The following LPCAT1 variants were observed in gnomAD, a reference collection of about 807,000 sequenced individuals.
LPCAT1 encodes 1-acylglycerol-3-phosphate O-acyltransferase.
Under a neutral mutation model 60.9 loss-of-function variants are expected in LPCAT1, and 23 were observed. The ratio of observed to expected loss-of-function variants is 0.38; its 90% CI spans 0.27 to 0.53. The LOEUF (loss-of-function observed/expected upper bound fraction) is 0.53, where lower values mean the gene tolerates loss of function less well. LPCAT1 is among the 20% of genes least tolerant of loss of function. The probability of loss-of-function intolerance (pLI) is 0.82; values close to 1 mark genes in which losing one functional copy is unlikely to be tolerated. For missense variants in LPCAT1, 622 were observed against 723.6 expected, an observed-to-expected ratio of 0.86 and a Z score of 1.61; for synonymous variants, 340 against 301.1, an observed-to-expected ratio of 1.13 and a Z score of -1.34.
chr5:1,514,272 G>T (rs978943290), intron 1 of LPCAT1, among the ~76,000 whole-genome samples: 1 of 152,238 alleles, frequency 6.6e-6, no homozygotes, highest in Non-Finnish European at 1.5e-5. Context: ...AGCCTCATCT[G>T]CCCAGTGAGC....
At chr5:1,478,990 G>T (rs542467794) in intron 8 of LPCAT1, among the ~76,000 whole-genome samples, 1 of 152,164 alleles carries the variant, frequency 6.6e-6, no homozygotes, top group African/African-American at 2.4e-5. Flanking sequence ...CAAACTCAGC[G>T]GTATTAAATA....
chr5:1,501,444 G>T lies in LPCAT1; in HGVS notation c.278+17C>A. ...GACCCCCCCCCAGGAGGAGAGCACGGCACACGCGCAACTTACTTCCTCCAC... is the reference window on the plus strand; with the variant it reads ...GACCCCCCCCCAGGAGGAGAGCACGTCACACGCGCAACTTACTTCCTCCAC... On this transcript the variant is annotated intron_variant, in intron 2 of 13. Coordinates refer to ENST00000283415, the MANE Select transcript of LPCAT1 (RefSeq NM_024830.5). The T allele has an allele frequency of 6.3e-7, 1 of 1,599,322 alleles. No homozygotes were observed.
Position 1,521,491 on chromosome 5 carries a change from A to G in LPCAT1, c.135+2219T>C. 2 of 985,328 alleles carry G rather than the reference A, an allele frequency of 2.0e-6. No homozygotes were observed. The highest frequency in any genetic ancestry group is 2.4e-6 in the Non-Finnish European group (2 of 829,810). 61.0% of individuals were successfully genotyped at this position (985,328 alleles called of 1,614,324 possible). On this transcript the variant is annotated intron_variant, in intron 1 of 13. Transcript: ENST00000283415. This position sits in a 1 kb window ranked among gnomAD's most constrained non-coding sequence, Gnocchi z 4.3. ...TTCACTCTGTGGAAACTTTACAAGA[A>G]TATATCACATCAAAGTAAAAGCTTT... is the stretch of plus-strand genomic sequence containing the variant.
intron 2 of LPCAT1, among the ~76,000 whole-genome samples, chr5:1,497,357 G>A (rs115510329): frequency 1.7e-3 from 253 of 152,366 alleles, no homozygotes; most frequent in African/African-American, 5.4e-3. Flanking sequence ...AAGCCCACAC[G>A]TCTAAGCGTG....
chr5:1,481,112 C>T lies in LPCAT1; in HGVS notation c.727-136G>A. On this transcript the variant is annotated intron_variant, in intron 6 of 13. Transcript: ENST00000283415. This position sits in a 1 kb window ranked among gnomAD's most constrained non-coding sequence, Gnocchi z 7.8. ...CAGCCAGGGGGAAGGGAGGAGGGTG[C>T]TAGAGCTCCAGCTTCCCAGAGTCCC... 1 of 1,091,118 alleles carries T rather than the reference C, an allele frequency of 9.2e-7. No individual in the cohort carries two copies. The highest frequency in any genetic ancestry group is 1.4e-6 in the Non-Finnish European group (1 of 727,674). The allele number at this position is 1,091,118 out of a possible 1,614,324, so 67.6% of individuals were successfully genotyped here.
chr5:1,476,890 G>A lies in LPCAT1; in HGVS notation c.899+514C>T, dbSNP rs913986806. 3.9e-5 allele frequency among the ~76,000 whole-genome samples: 6 copies of A among 152,130 alleles called. No homozygotes were observed. Among genetic ancestry groups the A allele is most frequent in the Non-Finnish European group, 7.4e-5 (5 of 68,008 alleles). On this transcript the variant is annotated intron_variant, in intron 9 of 13. Transcript: ENST00000283415. The surrounding 1 kb of genome is among the most constrained non-coding windows in gnomAD (Gnocchi z 8.6). ...CAGCACTGCCGGCCATGCAAGCAGGGGACCTGGGACCATGGGAAGCGAGGA... is the reference window on the plus strand; with the variant it reads ...CAGCACTGCCGGCCATGCAAGCAGGAGACCTGGGACCATGGGAAGCGAGGA...
rs75462843 is a variant in LPCAT1 at position 1,520,470 on chromosome 5, G to A, written c.135+3240C>T. Among the ~76,000 whole-genome samples, 60 of 152,300 alleles carry A rather than the reference G, an allele frequency of 3.9e-4. 1 individual carries two copies. In the East Asian group the frequency reaches 8.5e-3, roughly 22 times the overall value. ...CCTCCACTCTGAGACAGCAACGCCC[G>A]TCCAAGGACTCAGCTCCAAGGTGCA... On this transcript the variant is annotated intron_variant, in intron 1 of 13. Transcript: ENST00000283415.
rs2126632927 is a variant in LPCAT1, at chr5:1,523,331, G to T, written c.135+379C>A. ...AGGGACGAGCGCGGGGACCGGCGAT[G>T]CGGGTCCAGCCTCCCGCGGGAGCCG... On this transcript the variant is annotated intron_variant, in intron 1 of 13. Transcript: ENST00000283415. This position sits in a 1 kb window ranked among gnomAD's most constrained non-coding sequence, Gnocchi z 7.1. Among the ~76,000 whole-genome samples, 1 of 152,016 alleles carries T rather than the reference G, an allele frequency of 6.6e-6. No homozygotes were observed. The highest frequency in any genetic ancestry group is 1.5e-5 in the Non-Finnish European group (1 of 67,926).
chr5:1,494,827 C>T lies in LPCAT1; in HGVS notation c.366G>A (p.Ala122=), dbSNP rs896406619. ...TGAGGATGGCCGCCTCGGTGGGCAG[C>T]GCCTGCCGCCCCTTCACGGCCACCC... ...FHRVAVKGRQ[A]LPTEAAILTL... Residue 122 remains alanine, a synonymous_variant, in exon 3 of 14, where the codon GCG becomes GCA. Coordinates refer to ENST00000283415, the MANE Select transcript of LPCAT1 (RefSeq NM_024830.5). 1 of 1,613,502 alleles carries T rather than the reference C, an allele frequency of 6.2e-7. No individual in the cohort carries two copies. The highest frequency in any genetic ancestry group is 8.5e-7 in the Non-Finnish European group (1 of 1,179,880).
intron 2 of LPCAT1, among the ~76,000 whole-genome samples, chr5:1,497,209 C>G (rs1735827255): frequency 6.6e-6 from 1 of 152,232 alleles, no homozygotes; most frequent in Admixed American, 6.5e-5. Context: ...AAGACTGTCA[C>G]TGTGGAGACA....
In LPCAT1 at chr5:1,476,255, A is replaced by G. The variant is rs149263865; in HGVS notation, c.899+1149T>C. 5.8e-3 allele frequency among the ~76,000 whole-genome samples: 889 copies of G among 152,194 alleles called. 8 individuals carry two copies. The highest frequency in any genetic ancestry group is 0.021 in the African/African-American group (869 of 41,510). ...GTGCTGGGCTTGGAGGTGGGAATGC[A>G]TTCCCCTGGCTCGGCGCCTACTCAG... On this transcript the variant is annotated intron_variant, in intron 9 of 13. Coordinates refer to ENST00000283415, the MANE Select transcript of LPCAT1 (RefSeq NM_024830.5). The surrounding 1 kb of genome is among the most constrained non-coding windows in gnomAD (Gnocchi z 8.6).
At chr5:1,497,291 A>G (rs1342258729) in intron 2 of LPCAT1, among the ~76,000 whole-genome samples, 1 of 152,226 alleles carries the variant, frequency 6.6e-6, no homozygotes, top group East Asian at 1.9e-4. Flanking sequence ...AAAAGGAGGA[A>G]GGCCGCTGAG....
At chr5:1,466,281 T>C (rs1345737189) in intron 13 of LPCAT1, among the ~76,000 whole-genome samples, 2 of 152,126 alleles carry the variant, frequency 1.3e-5, no homozygotes, top group Non-Finnish European at 2.9e-5. Context: ...CACAGACAGG[T>C]GACTTTTCTC....
At chr5:1,484,332 C>T (rs1451075460) in intron 5 of LPCAT1, among the ~76,000 whole-genome samples, 1 of 152,248 alleles carries the variant, frequency 6.6e-6, no homozygotes, top group Non-Finnish European at 1.5e-5. Flanking sequence ...GAGCAAGGCA[C>T]CATGGACTCT....
Position 1,480,236 on chromosome 5 carries a change from G to T in LPCAT1, c.762-561C>A. On this transcript the variant is annotated intron_variant, in intron 7 of 13. Coordinates refer to ENST00000283415, the MANE Select transcript of LPCAT1 (RefSeq NM_024830.5). This position sits in a 1 kb window ranked among gnomAD's most constrained non-coding sequence, Gnocchi z 6.4. The stretch of plus-strand genomic sequence containing the variant: ...CCCCAGAACCCCTATACCCCCCAGA[G>T]CCCCCTCCCAGCTCTGCTCCCAGCT... 1 of 650,390 alleles carries T rather than the reference G, an allele frequency of 1.5e-6. No homozygotes were observed. The highest frequency in any genetic ancestry group is 1.9e-6 in the Non-Finnish European group (1 of 526,522). 40.3% of individuals were successfully genotyped at this position (650,390 alleles called of 1,614,324 possible). A position where few individuals can be genotyped will look rare whatever the true frequency, so the allele number is the denominator to read the frequency against.
rs975226856 is a variant in LPCAT1, at chr5:1,477,699, T to C, written c.817-213A>G. 1.3e-5 allele frequency among the ~76,000 whole-genome samples: 2 copies of C among 152,168 alleles called. No individual in the cohort carries two copies. Among genetic ancestry groups the C allele is most frequent in the African/African-American group, 4.8e-5 (2 of 41,444 alleles). ...GTGTGCACCTGAACACTCACCCTCA[T>C]TGGTGCTCCCTGGGAGCACCTGCTG... On this transcript the variant is annotated intron_variant, in intron 8 of 13. Transcript: ENST00000283415. This position sits in a 1 kb window ranked among gnomAD's most constrained non-coding sequence, Gnocchi z 6.0.
At chr5:1,484,316 G>A (rs113526130) in intron 5 of LPCAT1, among the ~76,000 whole-genome samples, 11 of 152,378 alleles carry the variant, frequency 7.2e-5, no homozygotes, top group African/African-American at 2.4e-4. Flanking sequence ...GTGCCCTTGC[G>A]GGCTGGAGCA....
chr5:1,488,705 A>G (rs1195775420), intron 4 of LPCAT1, among the ~76,000 whole-genome samples: 3 of 152,254 alleles, frequency 2.0e-5, no homozygotes, highest in African/African-American at 4.8e-5. Context: ...CAGCTCCTGG[A>G]AAGCAGGGTA....
intron 1 of LPCAT1, among the ~76,000 whole-genome samples, chr5:1,512,230 G>A (rs918063945): frequency 3.3e-5 from 5 of 152,234 alleles, no homozygotes; most frequent in Admixed American, 2.0e-4. Context: ...TGTGCTGGGT[G>A]GTGCCACACA....
Sources: gnomAD v4.1 joint callset for allele counts (sites outside exome capture counted in the v4.1 genomes callset) on GRCh38, gnomAD v4.1.1 for gene constraint, Gnocchi (gnomAD v3.1) non-coding constraint, MANE v1.5 for transcripts, NCBI Gene and HGNC (gene_info 2026-07-23, HGNC 2026-07-21) for gene names.